Variants in EVI5 observed in about 807,000 individuals in gnomAD.
The protein encoded by EVI5 is ecotropic viral integration site 5, also known as ecotropic viral integration site 5 protein homolog.
A neutral mutation model predicts 112.0 loss-of-function variants in EVI5; 73 were observed. The ratio of observed to expected loss-of-function variants is 0.65; its 90% CI spans 0.54 to 0.79. EVI5 has a LOEUF of 0.79. Ranked by LOEUF, EVI5 falls within the 30% of genes least tolerant of loss-of-function variation. The probability of loss-of-function intolerance (pLI) is 0.00; values close to 1 mark genes in which losing one functional copy is unlikely to be tolerated. For synonymous variants in EVI5, 305 were observed against 319.9 expected (o/e 0.95, Z 0.50); for missense variants, 900 against 968.8 (o/e 0.93, Z 0.94).
chr1:92,713,173 T>C (rs946930543), intron 2 of EVI5, among the ~76,000 whole-genome samples: 1 of 151,928 alleles, frequency 6.6e-6, no homozygotes, highest in African/African-American at 2.4e-5. Flanking sequence ...ATTACCAAGA[T>C]AGTCTCTTTT....
chr1:92,625,200 C>T (rs1655413521), intron 15 of EVI5, among the ~76,000 whole-genome samples: 1 of 151,960 alleles, frequency 6.6e-6, no homozygotes, highest in South Asian at 2.1e-4. Context: ...CAAGTTTTGT[C>T]TTTTTTGTTT....
intron 19 of EVI5, among the ~76,000 whole-genome samples, chr1:92,557,123 G>A (rs1394607866): frequency 6.6e-6 from 1 of 152,078 alleles, no homozygotes; most frequent in African/African-American, 2.4e-5. Context: ...AAAAAAGACA[G>A]GATGACAGAA....
intron 1 of EVI5, chr1:92,792,225 G>A: frequency 1.5e-6 from 1 of 653,360 alleles, no homozygotes; most frequent in Non-Finnish European, 2.7e-6. Flanking sequence ...AGCTGTTCCT[G>A]TGTTTTGAAG....
At chr1:92,653,710 C>A (rs1662542491) in intron 13 of EVI5, among the ~76,000 whole-genome samples, 1 of 152,234 alleles carries the variant, frequency 6.6e-6, no homozygotes, top group Non-Finnish European at 1.5e-5. Flanking sequence ...TCCCCCTCTC[C>A]ATGCAGAGCA....
At chr1:92,785,313 C>T (rs1462756912), upstream of EVI5, among the ~76,000 whole-genome samples, 1 of 152,220 alleles carries the variant, frequency 6.6e-6, no homozygotes, top group East Asian at 1.9e-4. Context: ...CGCCGACTTC[C>T]CCGGCCACTG....
At chr1:92,779,733 T>C in intron 1 of EVI5, among the ~76,000 whole-genome samples, 1 of 151,764 alleles carries the variant, frequency 6.6e-6, no homozygotes. Flanking sequence ...CCAGATAAAG[T>C]GATATAAAAA....
At chr1:92,545,637 A>G (rs1429307864) in intron 19 of EVI5, among the ~76,000 whole-genome samples, 2 of 152,196 alleles carry the variant, frequency 1.3e-5, no homozygotes. Flanking sequence ...TAAAAACACA[A>G]TCAAGAAAGT....
intron 19 of EVI5, among the ~76,000 whole-genome samples, chr1:92,535,482 A>C (rs1557733361): frequency 6.6e-6 from 1 of 152,214 alleles, no homozygotes; most frequent in African/African-American, 2.4e-5. Flanking sequence ...GGCACTGTTC[A>C]TGATAGCAAA....
At chr1:92,720,668 A>G (rs955593087) in intron 2 of EVI5, among the ~76,000 whole-genome samples, 6 of 152,028 alleles carry the variant, frequency 3.9e-5, no homozygotes, top group African/African-American at 1.2e-4. Flanking sequence ...AGCCAAAATT[A>G]ACAAATGGGA....
chr1:92,789,504 A>G (rs767460812), upstream of EVI5, among the ~76,000 whole-genome samples: 2 of 152,066 alleles, frequency 1.3e-5, no homozygotes, highest in Admixed American at 6.6e-5. Flanking sequence ...GGGTTTCACC[A>G]TGTTAGCCAG....
At chr1:92,792,285 A>T in intron 1 of EVI5, 1 of 1,095,434 alleles carries the variant, frequency 9.1e-7, no homozygotes, top group Non-Finnish European at 1.4e-6. Context: ...ACTTTCTGTT[A>T]CAGCAATTAC....
intron 18 of EVI5, among the ~76,000 whole-genome samples, chr1:92,574,588 G>T (rs1045084469): frequency 5.3e-5 from 8 of 152,096 alleles, no homozygotes; most frequent in African/African-American, 1.9e-4. Context: ...GTATAATATT[G>T]AAAAACACTG....
At position 92,589,671 on chromosome 1, in the gene EVI5, T is replaced by C. The variant is rs1407569875; in HGVS notation, c.2070+15636A>G. ...GCTCAAGGAGGCCTGCCTGCCTCTG[T>C]AGACTCCACCTCTGGGGGCAGGGCA... On this transcript the variant is annotated intron_variant, in intron 18 of 19. Transcript: ENST00000684568. Among the ~76,000 whole-genome samples, 4 of 152,300 alleles carry C rather than the reference T, an allele frequency of 2.6e-5. No individual in the cohort carries two copies. The East Asian group carries it at 7.7e-4, about 29-fold the overall frequency.
At chr1:92,579,826 C>T (rs905903798) in intron 18 of EVI5, among the ~76,000 whole-genome samples, 1 of 152,150 alleles carries the variant, frequency 6.6e-6, no homozygotes, top group Non-Finnish European at 1.5e-5. Flanking sequence ...CCCCCGTGCC[C>T]AACCTAAATT....
chr1:92,703,312 G>A (rs1671483304), intron 4 of EVI5, 83 bp downstream of exon 4: 1 of 810,068 alleles, frequency 1.2e-6, no homozygotes, highest in African/African-American at 1.8e-5. Flanking sequence ...TGTGGTGGGA[G>A]GTCATGCTTC....
chr1:92,762,230 A>C (rs566007966), intron 1 of EVI5, among the ~76,000 whole-genome samples: 14 of 152,210 alleles, frequency 9.2e-5, no homozygotes, highest in Non-Finnish European at 1.6e-4. Flanking sequence ...ACATATTTCT[A>C]TCTCTCTCTG....
chr1:92,625,985 T>C (rs778753736), intron 14 of EVI5, 51 bp from the exon 15 acceptor site: 1 of 1,148,948 alleles, frequency 8.7e-7, no homozygotes, highest in Non-Finnish European at 1.3e-6. Context: ...AGGAATAAAA[T>C]ACAGCACACA....
chr1:92,540,783 C>T (rs71650498), intron 19 of EVI5, among the ~76,000 whole-genome samples: 4,267 of 152,160 alleles, frequency 0.028, 86 homozygotes, highest in Non-Finnish European at 0.04. Context: ...CCTATAAAAA[C>T]AGAAGCTTGG....
At chr1:92,783,642 T>C (rs1206656098) in intron 1 of EVI5, among the ~76,000 whole-genome samples, 11 of 150,404 alleles carry the variant, frequency 7.3e-5, no homozygotes, top group African/African-American at 2.4e-4. Flanking sequence ...TGAAACCTCA[T>C]CTCTACTAAA....
Sources: allele counts gnomAD v4.1 joint callset (sites outside exome capture counted in the v4.1 genomes callset), GRCh38; gene constraint gnomAD v4.1.1; transcripts MANE v1.5; gene names NCBI Gene and HGNC (gene_info 2026-07-23, HGNC 2026-07-21).